Variants in SGSM2 observed in about 807,000 individuals in gnomAD.
SGSM2 encodes the protein RUN and TBC1 domain containing 1.
SGSM2 carries 89 observed loss-of-function variants against 126.6 expected under a neutral mutation model. The observed-to-expected ratio is 0.70, with a 90% CI of 0.59 to 0.84. The LOEUF (loss-of-function observed/expected upper bound fraction) is 0.84, where lower values mean the gene tolerates loss of function less well. Among genes scored for constraint, SGSM2 ranks in the 40% least tolerant of loss-of-function variants. SGSM2 has a pLI of 0.00. For missense variants in SGSM2, 1,404 were observed against 1,416.6 expected, an observed-to-expected ratio of 0.99 and a Z score of 0.14; for synonymous variants, 614 against 574.3, an observed-to-expected ratio of 1.07 and a Z score of -0.99.
At chr17:2,342,902 G>A (rs979656577) in intron 1 of SGSM2, among the ~76,000 whole-genome samples, 1 of 152,012 alleles carries the variant, frequency 6.6e-6, no homozygotes, top group Non-Finnish European at 1.5e-5. Flanking sequence ...GCTTGAACCC[G>A]GGAGGCAGAG....
intron 12 of SGSM2, among the ~76,000 whole-genome samples, chr17:2,368,153 G>A (rs1049292402): frequency 6.6e-6 from 1 of 152,206 alleles, no homozygotes. Flanking sequence ...CTGCCCTCAT[G>A]AGTCTCAGGG....
chr17:2,372,596 AT>A lies in SGSM2; in HGVS notation c.1788+109del. The A allele has an allele frequency of 6.9e-7, 1 of 1,441,450 alleles. No homozygotes were observed. The highest frequency in any genetic ancestry group is 9.4e-7 in the Non-Finnish European group (1 of 1,059,636). 89.3% of individuals were successfully genotyped at this position (1,441,450 alleles called of 1,614,324 possible). ...GGGTGCGGTTGACAGGCCAGGGCCG[AT>A]GCCACGGAGTGACCAGGGTCCCGGC... On this transcript the variant is annotated intron_variant, in intron 15 of 23. Transcript: ENST00000268989. This position sits in a 1 kb window ranked among gnomAD's most constrained non-coding sequence, Gnocchi z 6.0.
chr17:2,380,591 G>T lies in SGSM2; in HGVS notation c.*1071G>T. On this transcript the variant is annotated 3_prime_UTR_variant, in exon 24 of 24. Coordinates refer to ENST00000268989, the MANE Select transcript of SGSM2 (RefSeq NM_014853.3). Reference sequence around the variant, plus strand: ...CCAGAAACCCCCTTGGAGGAGCTGTGTATGCGGGGGTGCCAGGAAGGGCAT... The same window carrying T: ...CCAGAAACCCCCTTGGAGGAGCTGTTTATGCGGGGGTGCCAGGAAGGGCAT... 2.0e-6 allele frequency: 1 copy of T among 493,454 alleles called. No individual in the cohort carries two copies. The highest frequency in any genetic ancestry group is 3.7e-6 in the Non-Finnish European group (1 of 270,750). The allele number at this position is 493,454 out of a possible 1,614,324, so 30.6% of individuals were successfully genotyped here.
intron 1 of SGSM2, among the ~76,000 whole-genome samples, chr17:2,341,875 A>G (rs1019847187): frequency 1.3e-5 from 2 of 152,256 alleles, no homozygotes; most frequent in African/African-American, 4.8e-5. Flanking sequence ...TTTGTTCACC[A>G]GAAGACAGTC....
rs73976517 is a variant in SGSM2 at position 2,367,351 on chromosome 17, G to A, written c.1369G>A (p.Ala457Thr). ...TGAGGAAGAGGAGGATAAACTGCAC[G>A]CGATGCTCTCAATGATCTGCTCGCG... Reference protein sequence around the residue: ...DDEEEEDKLHAMLSMICSRNL... With the variant: ...DDEEEEDKLHTMLSMICSRNL... The change falls in exon 12 of 24, where the codon GCG becomes ACG. Residue 457 changes from alanine to threonine, a missense_variant. Coordinates refer to ENST00000268989, the MANE Select transcript of SGSM2 (RefSeq NM_014853.3). This position sits in a 1 kb window ranked among gnomAD's most constrained non-coding sequence, Gnocchi z 4.0. 1.8e-4 allele frequency: 294 copies of A among 1,614,180 alleles called. 1 individual carries two copies. In the African/African-American group the frequency reaches 3.0e-3, roughly 17 times the overall value.
chr17:2,344,143 A>G (rs544084949), intron 2 of SGSM2, among the ~76,000 whole-genome samples: 3 of 152,336 alleles, frequency 2.0e-5, no homozygotes, highest in African/African-American at 7.2e-5. Context: ...AGCGTGGGCT[A>G]GGAGAGGTGG....
chr17:2,375,529 C>A lies in SGSM2; in HGVS notation c.2138C>A (p.Pro713His). 2 of 1,613,296 alleles carry A rather than the reference C, an allele frequency of 1.2e-6. No individual in the cohort carries two copies. Among genetic ancestry groups the A allele is most frequent in the South Asian group, 2.2e-5 (2 of 91,056 alleles). Residue 713 changes from proline to histidine, a missense_variant, in exon 18 of 24, where the codon CCC (proline) becomes CAC (histidine). Transcript: ENST00000268989. ...ISVDDLEPPE[P>H]QDPEDSRPKP... ...GTGGATGATCTGGAACCCCCGGAGC[C>A]CCAGGACCCTGAAGATTCCAGACCA...
rs753109625 is a variant in SGSM2 at position 2,337,725 on chromosome 17, C to T, written c.37C>T (p.Leu13=). Residue 13 remains leucine, a synonymous_variant, in exon 1 of 24, where the codon CTG becomes TTG. Transcript: ENST00000268989. This position sits in a 1 kb window ranked among gnomAD's most constrained non-coding sequence, Gnocchi z 5.1. The part of the protein sequence containing the change: ...SAEDAVKEKL[L]WNVKKEVKQI... ...AGAGGACGCAGTCAAAGAGAAACTGCTGTGGAACGTGAAGAAGGAGGTAAA... is the reference window on the plus strand; with the variant it reads ...AGAGGACGCAGTCAAAGAGAAACTGTTGTGGAACGTGAAGAAGGAGGTAAA... The T allele has an allele frequency of 1.3e-6, 2 of 1,545,598 alleles. No homozygotes were observed. Among genetic ancestry groups the T allele is most frequent in the Non-Finnish European group, 1.7e-6 (2 of 1,143,798 alleles).
Position 2,362,757 on chromosome 17 carries a change from G to A in SGSM2, c.459-81G>A, listed in dbSNP as rs2065374653. ...GACTGATCTGAATCTGGTCTTTGTGGGGATGTCCCTACCTGGTGAGCTTGA... is the reference window on the plus strand; with the variant it reads ...GACTGATCTGAATCTGGTCTTTGTGAGGATGTCCCTACCTGGTGAGCTTGA... On this transcript the variant is annotated intron_variant, in intron 4 of 23. Transcript: ENST00000268989. This position sits in a 1 kb window ranked among gnomAD's most constrained non-coding sequence, Gnocchi z 4.9. 5 of 1,379,684 alleles carry A rather than the reference G, an allele frequency of 3.6e-6. No homozygotes were observed. In the East Asian group the frequency reaches 9.2e-5, roughly 25 times the overall value. The allele number at this position is 1,379,684 out of a possible 1,614,324, so 85.5% of individuals were successfully genotyped here.
At position 2,367,052 on chromosome 17, in the gene SGSM2, G is replaced by A. The variant is rs955258080; in HGVS notation, c.1289-219G>A. ...TGTTCTTCCTAGAGAGGCTGCCTCCGAAGAGTGAGGTTCTGCAGCTGCCCC... is the reference window on the plus strand; with the variant it reads ...TGTTCTTCCTAGAGAGGCTGCCTCCAAAGAGTGAGGTTCTGCAGCTGCCCC... On this transcript the variant is annotated intron_variant, in intron 11 of 23. Coordinates refer to ENST00000268989, the MANE Select transcript of SGSM2 (RefSeq NM_014853.3). This position sits in a 1 kb window ranked among gnomAD's most constrained non-coding sequence, Gnocchi z 4.0. 2.2e-5 allele frequency: 12 copies of A among 538,574 alleles called. No homozygotes were observed. The highest frequency in any genetic ancestry group is 6.0e-5 in the East Asian group (2 of 33,470). 33.4% of individuals were successfully genotyped at this position (538,574 alleles called of 1,614,324 possible).
chr17:2,338,375 G>C (rs2064184288), intron 1 of SGSM2, among the ~76,000 whole-genome samples: 1 of 152,176 alleles, frequency 6.6e-6, no homozygotes, highest in South Asian at 2.1e-4. Context: ...TTCAGAAAGA[G>C]AAGTAGTCCT....
intron 3 of SGSM2, 120 bp from the exon 4 acceptor site, chr17:2,361,989 C>T (rs2065329784): frequency 7.2e-7 from 1 of 1,390,420 alleles, no homozygotes; most frequent in African/African-American, 1.4e-5. Flanking sequence ...TCCTTCACCT[C>T]CCAACCCCAG....
At chr17:2,354,715 GCCTA>G (rs1050804722) in intron 2 of SGSM2, among the ~76,000 whole-genome samples, 58 of 152,348 alleles carry the variant, frequency 3.8e-4, no homozygotes, top group Admixed American at 1.1e-3. Context: ...GCAGCATCTT[GCCTA>G]CCTACCAGCA....
chr17:2,370,486 G>A (rs1006094060), intron 12 of SGSM2, among the ~76,000 whole-genome samples: 8 of 131,740 alleles, frequency 6.1e-5, no homozygotes, highest in African/African-American at 2.6e-4. Context: ...TGTCACATTG[G>A]ATAGTGGGCC....
chr17:2,363,154 C>G lies in SGSM2; in HGVS notation c.672+20C>G, dbSNP rs200255072. 1.1e-4 allele frequency: 173 copies of G among 1,576,054 alleles called. No individual in the cohort carries two copies. Among genetic ancestry groups the G allele is most frequent in the Middle Eastern group, 2.1e-4 (1 of 4,818 alleles). ...CTGGGGGTAGGTGCCCCCTCCCCAC[C>G]CTTTGGGCTCATCTGGGCTATGCCC... On this transcript the variant is annotated intron_variant, in intron 6 of 23. Coordinates refer to ENST00000268989, the MANE Select transcript of SGSM2 (RefSeq NM_014853.3). This position sits in a 1 kb window ranked among gnomAD's most constrained non-coding sequence, Gnocchi z 4.2.
intron 12 of SGSM2, among the ~76,000 whole-genome samples, chr17:2,369,465 T>A (rs2065757327): frequency 6.6e-6 from 1 of 152,000 alleles, no homozygotes; most frequent in African/African-American, 2.4e-5. Context: ...AGAGTCAGAG[T>A]CAAAGCTGAC....
At chr17:2,349,874 G>A (rs896271272) in intron 2 of SGSM2, among the ~76,000 whole-genome samples, 11 of 150,642 alleles carry the variant, frequency 7.3e-5, no homozygotes, top group Admixed American at 5.3e-4. Flanking sequence ...TGCAAGCTCC[G>A]CCTCCCGGGT....
At chr17:2,347,959 G>A (rs2064676190) in intron 2 of SGSM2, among the ~76,000 whole-genome samples, 1 of 152,154 alleles carries the variant, frequency 6.6e-6, no homozygotes, top group African/African-American at 2.4e-5. Flanking sequence ...ACACCAGCCT[G>A]CCTCCTCAGT....
At chr17:2,340,665 A>G (rs1040312331) in intron 1 of SGSM2, among the ~76,000 whole-genome samples, 1 of 151,582 alleles carries the variant, frequency 6.6e-6, no homozygotes, top group African/African-American at 2.4e-5. Flanking sequence ...GCTCACTGCA[A>G]GCTCCGCCTC....
Sources: gnomAD v4.1 joint callset for allele counts (sites outside exome capture counted in the v4.1 genomes callset) on GRCh38, gnomAD v4.1.1 for gene constraint, Gnocchi (gnomAD v3.1) non-coding constraint, MANE v1.5 for transcripts, NCBI Gene and HGNC (gene_info 2026-07-23, HGNC 2026-07-21) for gene names.